Variants in DISC1 observed in about 807,000 individuals in gnomAD.
The protein encoded by DISC1 is DISC1 scaffold protein.
A neutral mutation model predicts 84.5 loss-of-function variants in DISC1; 57 were observed. That is an observed-to-expected ratio of 0.67 (90% confidence interval 0.55 to 0.84). DISC1 has a LOEUF of 0.84. DISC1 is among the 40% of genes least tolerant of loss of function. DISC1 has a pLI of 0.00. For missense variants in DISC1, 1,000 were observed against 1,057.8 expected (o/e 0.95, Z 0.76); for synonymous variants, 411 against 415.2 (o/e 0.99, Z 0.12).
chr1:231,954,591 G>T lies in DISC1; in HGVS notation c.1982-4237G>T, dbSNP rs183381063. On this transcript the variant is annotated intron_variant, in intron 9 of 12. Coordinates refer to ENST00000439617, the MANE Select transcript of DISC1 (RefSeq NM_018662.3). The surrounding 1 kb of genome is among the most constrained non-coding windows in gnomAD (Gnocchi z 4.8). ...TTCGTAGCATTTCATTTTGTATTCA[G>T]CATTTCTTTGAGCGCCCTCTTTGCT... is the stretch of plus-strand genomic sequence containing the variant. Among the ~76,000 whole-genome samples, 28 of 152,222 alleles carry T rather than the reference G, an allele frequency of 1.8e-4. No individual in the cohort carries two copies. The highest frequency in any genetic ancestry group is 1.7e-3 in the Admixed American group (26 of 15,288).
intron 3 of DISC1, among the ~76,000 whole-genome samples, chr1:231,713,821 T>C (rs1371911499): frequency 7.0e-6 from 1 of 143,262 alleles, no homozygotes; most frequent in Non-Finnish European, 1.5e-5. Flanking sequence ...GATATATATA[T>C]AGGAGAGATA....
intron 9 of DISC1, among the ~76,000 whole-genome samples, chr1:231,949,848 T>C (rs1657999271): frequency 6.6e-6 from 1 of 152,242 alleles, no homozygotes; most frequent in African/African-American, 2.4e-5. Context: ...TCATAAATTA[T>C]GTTTCATCAC....
At chr1:232,020,465 C>G (rs1220155862) in intron 11 of DISC1, among the ~76,000 whole-genome samples, 1 of 152,200 alleles carries the variant, frequency 6.6e-6, no homozygotes, top group African/African-American at 2.4e-5. Context: ...GCATTCTCTG[C>G]TTCTAGGTAT....
chr1:231,682,648 G>GT (rs962340792), intron 1 of DISC1, among the ~76,000 whole-genome samples: 29 of 152,116 alleles, frequency 1.9e-4, no homozygotes, highest in South Asian at 8.3e-4. Context: ...GCATATACAT[G>GT]TTTTTTTTAG....
intron 9 of DISC1, among the ~76,000 whole-genome samples, chr1:231,829,877 A>ACAAGGT (rs1371885614): frequency 6.6e-6 from 1 of 151,422 alleles, no homozygotes; most frequent in Non-Finnish European, 1.5e-5. Context: ...TGGGGGGGTC[A>ACAAGGT]CAAGGTGCTC....
At chr1:231,812,548 G>A (rs1235939676) in intron 8 of DISC1, among the ~76,000 whole-genome samples, 1 of 152,168 alleles carries the variant, frequency 6.6e-6, no homozygotes, top group Non-Finnish European at 1.5e-5. Flanking sequence ...ATTTTAAATT[G>A]TGTTATTTGC....
chr1:231,747,663 A>G (rs1222134199), intron 3 of DISC1, among the ~76,000 whole-genome samples: 1 of 152,168 alleles, frequency 6.6e-6, no homozygotes, highest in Non-Finnish European at 1.5e-5. Flanking sequence ...TGGTTACTAC[A>G]GCTTTGTAGT....
At chr1:231,743,437 A>G (rs781149087) in intron 3 of DISC1, among the ~76,000 whole-genome samples, 5 of 152,230 alleles carry the variant, frequency 3.3e-5, no homozygotes, top group Non-Finnish European at 7.3e-5. Flanking sequence ...CCTAACCCCT[A>G]TGGAACAGAT....
chr1:232,016,940 C>T (rs1668539397), intron 11 of DISC1, among the ~76,000 whole-genome samples: 1 of 152,104 alleles, frequency 6.6e-6, no homozygotes, highest in Non-Finnish European at 1.5e-5. Context: ...CCCTTAATGT[C>T]TCAATTTTGC....
At chr1:231,730,536 A>C (rs1229562889) in intron 3 of DISC1, among the ~76,000 whole-genome samples, 1 of 152,190 alleles carries the variant, frequency 6.6e-6, no homozygotes. Flanking sequence ...CCCCAAATGT[A>C]GTTAGTGAAC....
Position 231,767,276 on chromosome 1 carries a change from A to C in DISC1, c.1398+7A>C, listed in dbSNP as rs1208618033. 1 of 1,614,172 alleles carries C rather than the reference A, an allele frequency of 6.2e-7. No homozygotes were observed. The highest frequency in any genetic ancestry group is 8.5e-7 in the Non-Finnish European group (1 of 1,180,022). ...GGAAAAGCAGCAGCTACAGGTGAGCAGGTGAAAGATCTTCAAGAAATATGA... is the reference window on the plus strand; with the variant it reads ...GGAAAAGCAGCAGCTACAGGTGAGCCGGTGAAAGATCTTCAAGAAATATGA... On this transcript the variant is annotated splice_region_variant and intron_variant, in intron 5 of 12. Coordinates refer to ENST00000439617, the MANE Select transcript of DISC1 (RefSeq NM_018662.3).
intron 1 of DISC1, among the ~76,000 whole-genome samples, chr1:231,648,927 C>A (rs923882297): frequency 6.6e-6 from 1 of 151,908 alleles, no homozygotes; most frequent in African/African-American, 2.4e-5. Flanking sequence ...TTTTTTATTG[C>A]GTCTGTTTTA....
intron 9 of DISC1, among the ~76,000 whole-genome samples, chr1:231,822,081 A>G (rs202010946): frequency 1.3e-5 from 2 of 152,152 alleles, no homozygotes; most frequent in Admixed American, 6.5e-5. Flanking sequence ...TAAATTGGTA[A>G]TCTGTATTGT....
intron 3 of DISC1, among the ~76,000 whole-genome samples, chr1:231,714,892 G>A (rs1305132501): frequency 6.6e-6 from 1 of 152,176 alleles, no homozygotes; most frequent in Non-Finnish European, 1.5e-5. Context: ...AGTCATCAAA[G>A]TTGTCCCATC....
At chr1:231,725,510 C>T (rs1169008377) in intron 3 of DISC1, among the ~76,000 whole-genome samples, 1 of 152,170 alleles carries the variant, frequency 6.6e-6, no homozygotes, top group Non-Finnish European at 1.5e-5. Context: ...TGCACTAGCT[C>T]ACCCCTTAAT....
Position 231,855,237 on chromosome 1 carries a change from T to C in DISC1, c.1981+36720T>C, listed in dbSNP as rs562462783. On this transcript the variant is annotated intron_variant, in intron 9 of 12. Coordinates refer to ENST00000439617, the MANE Select transcript of DISC1 (RefSeq NM_018662.3). ...AAGTGTCTTTGTTCACTTTACACTG[T>C]ACTGTAAAGAATCACAAGAGTGTCT... 205 of 978,670 alleles carry C rather than the reference T, an allele frequency of 2.1e-4. No homozygotes were observed. The Middle Eastern group carries it at 4.2e-3, about 20-fold the overall frequency. The allele number at this position is 978,670 out of a possible 1,614,324, so 60.6% of individuals were successfully genotyped here. A position where few individuals can be genotyped will look rare whatever the true frequency, so the allele number is the denominator to read the frequency against.
At chr1:231,775,494 T>C (rs971973009) in intron 6 of DISC1, among the ~76,000 whole-genome samples, 37 of 152,216 alleles carry the variant, frequency 2.4e-4, no homozygotes, top group Non-Finnish European at 5.9e-5. Context: ...AATTTTCCAA[T>C]GTCTGTGTTC....
At chr1:231,682,425 T>G (rs1196905883) in intron 1 of DISC1, among the ~76,000 whole-genome samples, 1 of 151,668 alleles carries the variant, frequency 6.6e-6, no homozygotes, top group Non-Finnish European at 1.5e-5. Flanking sequence ...AGTGGCTTAT[T>G]TTGGTTTCCT....
At chr1:231,874,124 A>G (rs1259566495) in intron 9 of DISC1, among the ~76,000 whole-genome samples, 1 of 151,954 alleles carries the variant, frequency 6.6e-6, no homozygotes, top group East Asian at 1.9e-4. Context: ...TGCTGGGATT[A>G]CAGGTGTGAG....
Sources: gnomAD v4.1 joint callset for allele counts (sites outside exome capture counted in the v4.1 genomes callset) on GRCh38, gnomAD v4.1.1 for gene constraint, Gnocchi (gnomAD v3.1) non-coding constraint, MANE v1.5 for transcripts, NCBI Gene and HGNC (gene_info 2026-07-23, HGNC 2026-07-21) for gene names.